TNIP1: variants seen among roughly 807,000 people sequenced by gnomAD.
TNIP1 encodes TNFAIP3-interacting protein 1.
Under a neutral mutation model 86.6 loss-of-function variants are expected in TNIP1, and 22 were observed. That is an observed-to-expected ratio of 0.25 (90% CI 0.18 to 0.36). TNIP1 has a LOEUF of 0.36. TNIP1 is among the 10% of genes least tolerant of loss of function. The pLI, the probability that TNIP1 is intolerant of heterozygous loss-of-function variation, is 1.00. For synonymous variants in TNIP1, 294 were observed against 313.0 expected (o/e 0.94, Z 0.64); for missense variants, 709 against 820.6 (o/e 0.86, Z 1.66).
chr5:151,042,120 T>G (rs1396040091), intron 11 of TNIP1, among the ~76,000 whole-genome samples: 1 of 151,948 alleles, frequency 6.6e-6, no homozygotes, highest in Non-Finnish European at 1.5e-5. Context: ...TTTGTATTTT[T>G]AGTAGAGATG....
At position 151,033,660 on chromosome 5, in the gene TNIP1, G is replaced by C. The variant is rs1396612757; in HGVS notation, c.1727C>G (p.Pro576Arg). 1 of 1,352,908 alleles carries C rather than the reference G, an allele frequency of 7.4e-7. No homozygotes were observed. The allele number at this position is 1,352,908 out of a possible 1,614,324, so 83.8% of individuals were successfully genotyped here. The change falls in exon 16 of 18, where the codon CCC (proline) becomes CGC (arginine). Residue 576 changes from proline (P) to arginine (R), a missense_variant. Physicochemically the swap from Pro to Arg is moderately radical, Grantham distance 103. Transcript: ENST00000521591. ...TGGGGGCGGGTGCTCCATGGCCATG[G>C]GGGGAGGGGGGTAGCGGATCTGGGA... ...DWSQIRYPPP[P>R]MAMEHPPPLP...
intron 3 of TNIP1, 117 bp downstream of exon 3, chr5:151,063,496 G>T: frequency 6.9e-7 from 1 of 1,446,036 alleles, no homozygotes; most frequent in South Asian, 1.3e-5. Context: ...AGGGTAGCCT[G>T]TGACCTAAGG....
rs903420343 is a variant in TNIP1, at chr5:151,063,168, G to T, written c.271+445C>A. Among the ~76,000 whole-genome samples, 43 of 152,148 alleles carry T rather than the reference G, an allele frequency of 2.8e-4. 1 individual carries two copies. The highest frequency in any genetic ancestry group is 2.7e-3 in the Admixed American group (41 of 15,286). ...ACAGGCAAGCCCAGCTTCTTCCCTG[G>T]GCCTCAGCTTCCCTAATTGTAAAAT... is the stretch of plus-strand genomic sequence containing the variant. On this transcript the variant is annotated intron_variant, in intron 3 of 17. Coordinates refer to ENST00000521591, the MANE Select transcript of TNIP1 (RefSeq NM_006058.5).
At chr5:151,065,934 C>T (rs540703833) in intron 1 of TNIP1, among the ~76,000 whole-genome samples, 1 of 152,118 alleles carries the variant, frequency 6.6e-6, no homozygotes, top group Non-Finnish European at 1.5e-5. Flanking sequence ...CTTTATGTCA[C>T]TGAAACCAGT....
intron 4 of TNIP1, among the ~76,000 whole-genome samples, chr5:151,061,804 T>C (rs1761607521): frequency 6.6e-6 from 1 of 152,206 alleles, no homozygotes; most frequent in African/African-American, 2.4e-5. Flanking sequence ...TGAGCCCTCT[T>C]TGAGAATGTG....
In TNIP1 at chr5:151,029,969, T is replaced by A; in HGVS notation, c.*744A>T. The stretch of plus-strand genomic sequence containing the variant: ...GTTGATCTTCTTCAACTTGGATTTA[T>A]GTCCATGATTCGTGCAAATAGCTAT... On this transcript the variant is annotated 3_prime_UTR_variant, in exon 18 of 18. Coordinates refer to ENST00000521591, the MANE Select transcript of TNIP1 (RefSeq NM_006058.5). The A allele has an allele frequency of 2.3e-6, 1 of 427,418 alleles. No individual in the cohort carries two copies. Among genetic ancestry groups the A allele is most frequent in the Non-Finnish European group, 4.9e-6 (1 of 205,570 alleles). 26.5% of individuals were successfully genotyped at this position (427,418 alleles called of 1,614,324 possible).
chr5:151,050,000 C>T (rs1479114705), intron 7 of TNIP1, 53 bp from the exon 8 acceptor site: 23 of 1,610,438 alleles, frequency 1.4e-5, no homozygotes, highest in Non-Finnish European at 1.9e-5. Flanking sequence ...GTTAAGAAAC[C>T]TACAGGGCTC....
In TNIP1 at chr5:151,063,647, G is replaced by C. The variant is rs780709647; in HGVS notation, c.237C>G (p.Ser79=). ...DNELLPPPSP[S]LGSFDPLAEL... The stretch of plus-strand genomic sequence containing the variant: ...CAGCCAGGGGGTCGAAGGAGCCCAA[G>C]GAGGGAGAAGGTGGTGGGAGCAGCT... Residue 79 remains serine (S), a synonymous_variant, in exon 3 of 18, where the codon TCC becomes TCG. Transcript: ENST00000521591. The C allele has an allele frequency of 1.2e-5, 19 of 1,614,010 alleles. No individual in the cohort carries two copies. In the South Asian group the frequency reaches 2.0e-4, roughly 17 times the overall value.
At chr5:151,065,985 G>A (rs1762175383) in intron 1 of TNIP1, among the ~76,000 whole-genome samples, 1 of 152,166 alleles carries the variant, frequency 6.6e-6, no homozygotes, top group African/African-American at 2.4e-5. Flanking sequence ...TGGCTTAGTA[G>A]AGAAGCTCTC....
intron 5 of TNIP1, among the ~76,000 whole-genome samples, chr5:151,059,798 AGAGAGAG>A (rs1761167652): frequency 9.5e-6 from 1 of 105,160 alleles, no homozygotes; most frequent in Admixed American, 9.8e-5. Flanking sequence ...AGAGAGAGAG[AGAGAGAG>A]AGAGAGAGAG....
rs52817781 is a variant in TNIP1, at chr5:151,056,861, C to T, written c.532G>A (p.Gly178Ser). Residue 178 changes from glycine to serine, a missense_variant, in exon 6 of 18, where the codon GGC becomes AGC. Physicochemically the swap from Gly to Ser is moderately conservative, Grantham distance 56. Transcript: ENST00000521591. ...CGGCCCAGGTGGGTGAAGAGCTGGC[C>T]GTGGTCCGGCTCCTCGGCACACACA... The part of the protein sequence containing the change: ...LSVCAEEPDH[G>S]QLFTHLGRMA... The T allele has an allele frequency of 0.031, 49,577 of 1,605,232 alleles. 942 individuals are homozygous for T. Among genetic ancestry groups the T allele is most frequent in the South Asian group, 0.066 (5,879 of 89,748 alleles).
rs144318877 is a variant in TNIP1, at chr5:151,069,647, C to T, written c.-36-4516G>A. On this transcript the variant is annotated intron_variant, in intron 1 of 17. Transcript: ENST00000521591. ...GGAGGTGGAAGGTCATCGAGGCCAA[C>T]ATCTACCTCCCCAGCAGAGGTGAGG... Among the ~76,000 whole-genome samples the T allele has an allele frequency of 6.6e-3, 1,011 of 152,262 alleles. 38 individuals carry two copies. The highest frequency in any genetic ancestry group is 0.057 in the Admixed American group (869 of 15,296).
rs953149397 is a variant in TNIP1 at position 151,045,053 on chromosome 5, C to T, written c.936+808G>A. Among the ~76,000 whole-genome samples the T allele has an allele frequency of 7.2e-5, 11 of 152,158 alleles. No individual in the cohort carries two copies. In the South Asian group the frequency reaches 2.3e-3, roughly 32 times the overall value. ...CTAAGAAAATTCTTGAAATGGGAGTCTCAAAATATCTGCAAAGTAGCTACA... is the reference window on the plus strand; with the variant it reads ...CTAAGAAAATTCTTGAAATGGGAGTTTCAAAATATCTGCAAAGTAGCTACA... On this transcript the variant is annotated intron_variant, in intron 9 of 17. Transcript: ENST00000521591.
At chr5:151,079,135 T>C (rs1243572983) in intron 1 of TNIP1, among the ~76,000 whole-genome samples, 3 of 152,072 alleles carry the variant, frequency 2.0e-5, no homozygotes, top group African/African-American at 7.2e-5. Flanking sequence ...AGCGGCAGCT[T>C]CCAGAGGGGC....
At chr5:151,049,130 C>T (rs754833112) in intron 8 of TNIP1, among the ~76,000 whole-genome samples, 26 of 152,164 alleles carry the variant, frequency 1.7e-4, no homozygotes, top group Non-Finnish European at 3.4e-4. Context: ...GGGTTAAAGA[C>T]ATTGAGCCCT....
chr5:151,041,940 CTTTT>C (rs534852391), intron 11 of TNIP1, among the ~76,000 whole-genome samples: 1 of 131,888 alleles, frequency 7.6e-6, no homozygotes, highest in Admixed American at 7.7e-5. Flanking sequence ...CTGCTTGGAT[CTTTT>C]TTTTTTTTTT....
rs752931259 is a variant in TNIP1, at chr5:151,032,320, T to A, written c.1843A>T (p.Met615Leu). The A allele has an allele frequency of 6.2e-6, 10 of 1,613,940 alleles. No homozygotes were observed. Among genetic ancestry groups the A allele is most frequent in the Non-Finnish European group, 8.5e-6 (10 of 1,179,986 alleles). ...GTAGGCCTGGCTGTGGGAGGGTCCA[T>A]CACTTGGGAGCTCTGATTTGGATTT... is the stretch of plus-strand genomic sequence containing the variant. ...VRNPNQSSQV[M>L]DPPTARPTEP... is the part of the protein sequence containing the mutation. The change falls in exon 17 of 18, where the codon ATG (methionine) becomes TTG (leucine). Residue 615 changes from methionine (M) to leucine (L), a missense_variant. Physicochemically the swap from Met to Leu is conservative, Grantham distance 15. Coordinates refer to ENST00000521591, the MANE Select transcript of TNIP1 (RefSeq NM_006058.5).
intron 9 of TNIP1, among the ~76,000 whole-genome samples, chr5:151,044,988 T>C (rs1006377175): frequency 4.6e-5 from 7 of 152,242 alleles, no homozygotes; most frequent in African/African-American, 1.7e-4. Flanking sequence ...CAGTATTCTG[T>C]GGCAGGCTTC....
At chr5:151,046,179 T>A (rs891937459) in intron 8 of TNIP1, 41 of 546,204 alleles carry the variant, frequency 7.5e-5, no homozygotes, top group Middle Eastern at 9.1e-4. Flanking sequence ...CCAGGCCCTC[T>A]CCCCTTCCCT....
Sources: allele counts gnomAD v4.1 joint callset (sites outside exome capture counted in the v4.1 genomes callset), GRCh38; gene constraint gnomAD v4.1.1; transcripts MANE v1.5; gene names NCBI Gene and HGNC (gene_info 2026-07-23, HGNC 2026-07-21).